The following RAD54L2 variants were observed in gnomAD, a reference collection of about 807,000 sequenced individuals.
The protein encoded by RAD54L2 is helicase ARIP4.
In RAD54L2, 27 loss-of-function variants were observed where a neutral mutation model predicts 138.4. The observed-to-expected ratio is 0.20, with a 90% CI of 0.14 to 0.27. The LOEUF (loss-of-function observed/expected upper bound fraction) is 0.27, where lower values mean the gene tolerates loss of function less well. Among genes scored for constraint, RAD54L2 ranks in the 10% least tolerant of loss-of-function variants. RAD54L2 has a pLI of 1.00. For missense variants in RAD54L2, 1,396 were observed against 1,890.2 expected (o/e 0.74, Z 4.85); for synonymous variants, 644 against 723.2 (o/e 0.89, Z 1.76).
Position 51,666,309 on chromosome 3 carries a change from G to A in RAD54L2, c.*2889G>A, listed in dbSNP as rs1040319711. The A allele has an allele frequency of 1.9e-4, 28 of 150,702 alleles. No homozygotes were observed. The highest frequency in any genetic ancestry group is 6.6e-4 in the African/African-American group (27 of 40,980). The allele number at this position is 150,702 out of a possible 1,614,324, so 9.3% of individuals were successfully genotyped here. A position where few individuals can be genotyped will look rare whatever the true frequency, so the allele number is the denominator to read the frequency against. On this transcript the variant is annotated 3_prime_UTR_variant, in exon 23 of 23. Coordinates refer to ENST00000684192, the MANE Select transcript of RAD54L2 (RefSeq NM_015106.4). ...ACACCAAACATAAGCATGTTTGTGA[G>A]GGAAGCAGGAAGTATCTCAGAGCCT... is the stretch of plus-strand genomic sequence containing the variant.
intron 2 of RAD54L2, among the ~76,000 whole-genome samples, chr3:51,570,499 C>G (rs564950504): frequency 6.6e-6 from 1 of 151,682 alleles, no homozygotes; most frequent in African/African-American, 2.4e-5. Flanking sequence ...CACACTCGCC[C>G]AGGCTGAAGT....
rs1222375247 is a variant in RAD54L2, at chr3:51,666,916, T to G, written c.*3496T>G. ...TGTGATTCACAACTAAATATGAAAT[T>G]TCTCAATTCAGGAGCAGGAAGCAAA... On this transcript the variant is annotated 3_prime_UTR_variant, in exon 23 of 23. Transcript: ENST00000684192. 6.6e-6 allele frequency: 1 copy of G among 152,200 alleles called. No homozygotes were observed. The highest frequency in any genetic ancestry group is 1.5e-5 in the Non-Finnish European group (1 of 68,044). 9.4% of individuals were successfully genotyped at this position (152,200 alleles called of 1,614,324 possible). A position where few individuals can be genotyped will look rare whatever the true frequency, so the allele number is the denominator to read the frequency against.
Position 51,662,288 on chromosome 3 carries a change from T to G in RAD54L2, c.3410-138T>G. On this transcript the variant is annotated intron_variant, in intron 22 of 22. Coordinates refer to ENST00000684192, the MANE Select transcript of RAD54L2 (RefSeq NM_015106.4). The surrounding 1 kb of genome is among the most constrained non-coding windows in gnomAD (Gnocchi z 4.6). ...TTCTTTGTGACTGGAAAAGGTTGACTGGGTGATGTTGTTCAGACATCAAAC... is the reference window on the plus strand; with the variant it reads ...TTCTTTGTGACTGGAAAAGGTTGACGGGGTGATGTTGTTCAGACATCAAAC... The G allele has an allele frequency of 1.4e-6, 1 of 697,528 alleles. No homozygotes were observed. The highest frequency in any genetic ancestry group is 2.2e-6 in the Non-Finnish European group (1 of 464,040). 43.2% of individuals were successfully genotyped at this position (697,528 alleles called of 1,614,324 possible). A position where few individuals can be genotyped will look rare whatever the true frequency, so the allele number is the denominator to read the frequency against.
chr3:51,651,915 T>TA (rs1164076696), intron 19 of RAD54L2, among the ~76,000 whole-genome samples: 1 of 152,156 alleles, frequency 6.6e-6, no homozygotes, highest in African/African-American at 2.4e-5. Context: ...CTATTCAACA[T>TA]AGTGTTGGAA....
intron 2 of RAD54L2, among the ~76,000 whole-genome samples, chr3:51,551,117 C>CTTT (rs368902564): frequency 6.8e-6 from 1 of 147,270 alleles, no homozygotes; most frequent in Non-Finnish European, 1.5e-5. Flanking sequence ...CTTTCTGTGA[C>CTTT]TTTTTTTTTT....
In RAD54L2 at chr3:51,638,295, C is replaced by G; in HGVS notation, c.1834C>G (p.Leu612Val). The change falls in exon 12 of 23, where the codon CTT (leucine) becomes GTT (valine). Residue 612 changes from leucine (L) to valine (V), a missense_variant. Physicochemically the swap from Leu to Val is conservative, Grantham distance 32 (BLOSUM62 1). Around this residue, in one of 7 missense-constraint regions of RAD54L2, gnomAD observed 211 missense variants for 273.8 expected, o/e 0.77. Coordinates refer to ENST00000684192, the MANE Select transcript of RAD54L2 (RefSeq NM_015106.4). This position sits in a 1 kb window ranked among gnomAD's most constrained non-coding sequence, Gnocchi z 4.3. Reference protein sequence around the residue: ...GSSGWLGLNPLKAFCVCCKIW... With the variant: ...GSSGWLGLNPVKAFCVCCKIW... ...CAGCGGTTGGCTGGGGCTGAACCCC[C>G]TTAAGGCATTCTGTGTGTGTTGCAA... 6.2e-7 allele frequency: 1 copy of G among 1,613,948 alleles called. No homozygotes were observed. Among genetic ancestry groups the G allele is most frequent in the Non-Finnish European group, 8.5e-7 (1 of 1,179,880 alleles).
At chr3:51,539,306 A>G (rs1210778344) in intron 1 of RAD54L2, among the ~76,000 whole-genome samples, 5 of 152,104 alleles carry the variant, frequency 3.3e-5, no homozygotes, top group Non-Finnish European at 2.9e-5. Flanking sequence ...CTGTGTGTCT[A>G]ATCCCTAAGG....
intron 3 of RAD54L2, among the ~76,000 whole-genome samples, chr3:51,613,858 C>T (rs533315286): frequency 6.6e-6 from 1 of 151,404 alleles, no homozygotes; most frequent in East Asian, 1.9e-4. Flanking sequence ...AGCAGTGATT[C>T]GCAACTGGGA....
At chr3:51,650,849 C>A (rs146732304) in intron 19 of RAD54L2, among the ~76,000 whole-genome samples, 1,919 of 152,174 alleles carry the variant, frequency 0.013, 38 homozygotes, top group Non-Finnish European at 0.015. Flanking sequence ...TATCTAAAAT[C>A]AACACCCTAA....
In RAD54L2 at chr3:51,630,925, T is replaced by G; in HGVS notation, c.819T>G (p.Pro273=). Residue 273 remains proline, a synonymous_variant, in exon 7 of 23, where the codon CCT becomes CCG. Transcript: ENST00000684192. Reference sequence around the variant, plus strand: ...CACAGTTGGCACGGGCTGTGAAACCTCATCAGGTACAGCAAACCTTGACTG... The same window carrying G: ...CACAGTTGGCACGGGCTGTGAAACCGCATCAGGTACAGCAAACCTTGACTG... The part of the protein sequence containing the change: ...LAPQLARAVK[P]HQIGGIRFLY... The G allele has an allele frequency of 6.2e-7, 1 of 1,609,092 alleles. No homozygotes were observed. The highest frequency in any genetic ancestry group is 8.5e-7 in the Non-Finnish European group (1 of 1,176,084).
intron 3 of RAD54L2, among the ~76,000 whole-genome samples, chr3:51,593,371 C>T (rs908769524): frequency 6.7e-6 from 1 of 149,160 alleles, no homozygotes; most frequent in Non-Finnish European, 1.5e-5. Context: ...CTTGCTCTGT[C>T]GCCCAGGCTG....
chr3:51,667,399 CAA>C lies in RAD54L2; in HGVS notation c.*3980_*3981del, dbSNP rs1473845848. The C allele has an allele frequency of 2.6e-5, 4 of 152,270 alleles. No homozygotes were observed. The highest frequency in any genetic ancestry group is 6.5e-5 in the Admixed American group (1 of 15,276). 9.4% of individuals were successfully genotyped at this position (152,270 alleles called of 1,614,324 possible). On this transcript the variant is annotated 3_prime_UTR_variant, in exon 23 of 23. Transcript: ENST00000684192. ...CAGGCTGGCCTTGAACTCCTGACCT[CAA>C]GTGATCCACCCTCCTCGGCCTCCCA...
At chr3:51,641,505 C>T (rs934694019) in intron 14 of RAD54L2, among the ~76,000 whole-genome samples, 2 of 149,860 alleles carry the variant, frequency 1.3e-5, no homozygotes, top group East Asian at 2.0e-4. Context: ...TTAGTACAGA[C>T]GGGGTTTTGC....
chr3:51,660,104 G>T lies in RAD54L2; in HGVS notation c.3395G>T (p.Arg1132Leu). ...TGKPKVPEDG[R>L]MAASGSQGPS... ...AAACCAAAGGTTCCTGAAGATGGTCGGATGGCTGCCTCAGGTGTGATGGCT... is the reference window on the plus strand; with the variant it reads ...AAACCAAAGGTTCCTGAAGATGGTCTGATGGCTGCCTCAGGTGTGATGGCT... The change falls in exon 22 of 23, where the codon CGG (arginine) becomes CTG (leucine). Residue 1132 changes from arginine (R) to leucine (L), a missense_variant. Arg to Leu is a moderately radical substitution (Grantham distance 102). Around this residue, in one of 7 missense-constraint regions of RAD54L2, gnomAD observed 634 missense variants for 711.2 expected, o/e 0.89. Transcript: ENST00000684192. 1.3e-6 allele frequency: 2 copies of T among 1,599,912 alleles called. No individual in the cohort carries two copies. Among genetic ancestry groups the T allele is most frequent in the Non-Finnish European group, 8.6e-7 (1 of 1,168,494 alleles).
At chr3:51,545,332 C>T (rs1022428666) in intron 2 of RAD54L2, among the ~76,000 whole-genome samples, 2 of 151,952 alleles carry the variant, frequency 1.3e-5, no homozygotes, top group South Asian at 2.1e-4. Flanking sequence ...GCTGGGATTA[C>T]AGGCGCGTGC....
chr3:51,543,632 A>T (rs1002681989), intron 2 of RAD54L2, among the ~76,000 whole-genome samples: 1 of 151,152 alleles, frequency 6.6e-6, no homozygotes, highest in Non-Finnish European at 1.5e-5. Flanking sequence ...AAAAAAGAGT[A>T]AATAATACAC....
chr3:51,585,856 G>A (rs1699696442), intron 2 of RAD54L2, among the ~76,000 whole-genome samples: 1 of 152,116 alleles, frequency 6.6e-6, no homozygotes, highest in African/African-American at 2.4e-5. Flanking sequence ...AACTTGCACT[G>A]TAAGAACACA....
At chr3:51,634,612 C>G (rs572639340) in intron 9 of RAD54L2, among the ~76,000 whole-genome samples, 1 of 152,216 alleles carries the variant, frequency 6.6e-6, no homozygotes, top group African/African-American at 2.4e-5. Flanking sequence ...TCAGGTGATC[C>G]GCCCACCTTG....
intron 2 of RAD54L2, among the ~76,000 whole-genome samples, chr3:51,545,668 C>T (rs1273728875): frequency 3.9e-5 from 6 of 151,924 alleles, no homozygotes; most frequent in Admixed American, 3.3e-4. Flanking sequence ...TAGCCTTGAC[C>T]TCTCAGGCTC....
Sources: allele counts gnomAD v4.1 joint callset (sites outside exome capture counted in the v4.1 genomes callset), GRCh38; gene constraint gnomAD v4.1.1; regional missense constraint gnomAD v4.1.1; non-coding constraint Gnocchi (gnomAD v3.1); transcripts MANE v1.5; gene names NCBI Gene and HGNC (gene_info 2026-07-23, HGNC 2026-07-21).